OPN3: variants seen among roughly 807,000 people sequenced by gnomAD.
OPN3 encodes opsin-3.
In OPN3, 29 loss-of-function variants were observed where a neutral mutation model predicts 33.8. The ratio of observed to expected loss-of-function variants is 0.86; its 90% CI spans 0.64 to 1.17. The LOEUF (loss-of-function observed/expected upper bound fraction) is 1.17. Ranked by LOEUF, OPN3 falls within the 50% of genes most tolerant of loss-of-function variation. The probability of loss-of-function intolerance (pLI) is 0.00; values close to 1 mark genes in which losing one functional copy is unlikely to be tolerated. For synonymous variants in OPN3, 216 were observed against 216.1 expected, an observed-to-expected ratio of 1.00 and a Z score of 0.00; for missense variants, 437 against 514.1, an observed-to-expected ratio of 0.85 and a Z score of 1.45.
rs61827774 is a variant in OPN3, at chr1:241,593,680, A to C, written c.*748T>G. On this transcript the variant is annotated 3_prime_UTR_variant, in exon 4 of 4. Transcript: ENST00000366554. ...GTGGGAAATACAGGGGAATGAGCAA[A>C]TCTCAAAGAGCTGGCGTCTTAGAAC... is the stretch of plus-strand genomic sequence containing the variant. The C allele has an allele frequency of 4.5e-3, 749 of 167,158 alleles. 6 individuals are homozygous for C. In the Middle Eastern group the frequency reaches 0.046, roughly 10 times the overall value. The allele number at this position is 167,158 out of a possible 1,614,324, so 10.4% of individuals were successfully genotyped here. A position where few individuals can be genotyped will look rare whatever the true frequency, so the allele number is the denominator to read the frequency against.
At chr1:241,621,878 C>G (rs149206333) in intron 1 of OPN3, among the ~76,000 whole-genome samples, 207 of 152,234 alleles carry the variant, frequency 1.4e-3, no homozygotes, top group Admixed American at 2.8e-3. Context: ...GGGATCAGTT[C>G]TGATCAACTT....
rs1321663757 is a variant in OPN3, at chr1:241,640,222, G to C, written c.33C>G (p.Gly11=). The C allele has an allele frequency of 2.3e-5, 31 of 1,330,398 alleles. No individual in the cohort carries two copies. Among genetic ancestry groups the C allele is most frequent in the African/African-American group, 1.6e-5 (1 of 64,490 alleles). 82.4% of individuals were successfully genotyped at this position (1,330,398 alleles called of 1,614,324 possible). The change falls in exon 1 of 4, where the codon GGC becomes GGG. Residue 11 remains glycine (G), a synonymous_variant. Transcript: ENST00000366554. ...CCGCGGCCCCGCCGCCGTCCCAGTA[G>C]CCGTGGCCGCCGCTGCGGTTCCCCG... The part of the protein sequence containing the change: MYSGNRSGGH[G]YWDGGGAAGA...
chr1:241,613,274 C>T (rs1189594426), intron 1 of OPN3, among the ~76,000 whole-genome samples: 2 of 152,140 alleles, frequency 1.3e-5, no homozygotes, highest in Admixed American at 6.6e-5. Context: ...TTCATAACAA[C>T]TCTGTGAGAC....
At chr1:241,630,247 C>T (rs1664577613) in intron 1 of OPN3, 1 of 151,986 alleles carries the variant, frequency 6.6e-6, no homozygotes, top group South Asian at 2.1e-4. Flanking sequence ...TCCCCATCTC[C>T]CCATGTACTA....
chr1:241,627,815 C>T (rs2756224), intron 1 of OPN3, among the ~76,000 whole-genome samples: 105,374 of 152,040 alleles, frequency 0.69, 36,647 homozygotes, highest in East Asian at 0.78. Flanking sequence ...GCCACCTTTA[C>T]GCAACAGGAG....
chr1:241,598,013 AGAAAG>A lies in OPN3; in HGVS notation c.694-21_694-17del, dbSNP rs776632696. 6.2e-7 allele frequency: 1 copy of A among 1,608,770 alleles called. No homozygotes were observed. The highest frequency in any genetic ancestry group is 1.1e-5 in the South Asian group (1 of 90,406). ...CACAACGAAGCTGCAGAAAGGAGAA[AGAAAG>A]GAAAGGGCTTAAAAAACAAAAGAAG... is the stretch of plus-strand genomic sequence containing the variant. On this transcript the variant is annotated splice_polypyrimidine_tract_variant and intron_variant, in intron 2 of 3. Transcript: ENST00000366554.
At chr1:241,602,287 A>G (rs912042941) in intron 2 of OPN3, among the ~76,000 whole-genome samples, 14 of 152,210 alleles carry the variant, frequency 9.2e-5, no homozygotes, top group Non-Finnish European at 1.8e-4. Flanking sequence ...AGTTGGCAAT[A>G]GTCTCAAACG....
At position 241,594,461 on chromosome 1, in the gene OPN3, G is replaced by C. The variant is rs1418875755; in HGVS notation, c.1176C>G (p.Ser392=). The change falls in exon 4 of 4, where the codon TCC becomes TCG. Residue 392 remains serine, a synonymous_variant. Transcript: ENST00000366554. The part of the protein sequence containing the change: ...SVDDSDKTNG[S]KVDVIQVRPL ...GACGAACTTGGATTACATCAACTTT[G>C]GACCCATTGGTTTTGTCGCTGTCGT... 1 of 1,614,040 alleles carries C rather than the reference G, an allele frequency of 6.2e-7. No individual in the cohort carries two copies. The highest frequency in any genetic ancestry group is 1.7e-5 in the Admixed American group (1 of 60,004).
Position 241,640,261 on chromosome 1 carries a change from G to A in OPN3, c.-7C>T. 8.3e-7 allele frequency: 1 copy of A among 1,197,626 alleles called. No homozygotes were observed. The highest frequency in any genetic ancestry group is 1.0e-6 in the Non-Finnish European group (1 of 968,044). The allele number at this position is 1,197,626 out of a possible 1,614,324, so 74.2% of individuals were successfully genotyped here. A position where few individuals can be genotyped will look rare whatever the true frequency, so the allele number is the denominator to read the frequency against. On this transcript the variant is annotated 5_prime_UTR_variant, in exon 1 of 4. Coordinates refer to ENST00000366554, the MANE Select transcript of OPN3 (RefSeq NM_014322.3). ...TGCGGTTCCCCGAGTACATGGCCCG[G>A]CGCCGGCGCGCCTGGCGGGCGGAGG...
chr1:241,630,129 G>C (rs962435562), intron 1 of OPN3: 3 of 152,018 alleles, frequency 2.0e-5, no homozygotes, highest in Admixed American at 2.0e-4. Flanking sequence ...ATTCTGTGAA[G>C]TATTTCTCTT....
chr1:241,601,811 G>T (rs567095728), intron 2 of OPN3, among the ~76,000 whole-genome samples: 2 of 152,184 alleles, frequency 1.3e-5, no homozygotes, highest in African/African-American at 4.8e-5. Context: ...TGTGTTGGGG[G>T]AGACATGGAT....
chr1:241,634,217 G>A, intron 1 of OPN3: 2 of 1,613,936 alleles, frequency 1.2e-6, no homozygotes, highest in African/African-American at 1.3e-5. Flanking sequence ...TTCTCTTGCT[G>A]TTTTAGAAGA....
intron 1 of OPN3, among the ~76,000 whole-genome samples, chr1:241,638,780 T>C (rs1037931466): frequency 2.6e-5 from 4 of 152,136 alleles, no homozygotes; most frequent in African/African-American, 7.2e-5. Context: ...AAATGAATCA[T>C]TACAAATATA....
intron 1 of OPN3, chr1:241,629,692 T>C (rs1446211221): frequency 6.6e-6 from 1 of 152,160 alleles, no homozygotes; most frequent in East Asian, 1.9e-4. Flanking sequence ...ACTTGTAGTA[T>C]TTTTCTTTTT....
chr1:241,640,058 T>C lies in OPN3; in HGVS notation c.197A>G (p.Tyr66Cys), dbSNP rs1465854308. The change falls in exon 1 of 4, where the codon TAC becomes TGC. Residue 66 changes from tyrosine (Y) to cysteine (C), a missense_variant. Coordinates refer to ENST00000366554, the MANE Select transcript of OPN3 (RefSeq NM_014322.3). Reference sequence around the variant, plus strand: ...AGTGCGGAGCCGCTGGAACTTGTAGTAGAGGACGAGCACCAGCAGGTTGTT... The same window carrying C: ...AGTGCGGAGCCGCTGGAACTTGTAGCAGAGGACGAGCACCAGCAGGTTGTT... ...VGNNLLVLVL[Y>C]YKFQRLRTPT... is the part of the protein sequence containing the mutation. 4 of 1,612,302 alleles carry C rather than the reference T, an allele frequency of 2.5e-6. No homozygotes were observed. The African/African-American group carries it at 4.0e-5, about 16-fold the overall frequency.
At chr1:241,613,564 A>G (rs1056553409) in intron 1 of OPN3, among the ~76,000 whole-genome samples, 5 of 152,192 alleles carry the variant, frequency 3.3e-5, no homozygotes, top group Admixed American at 2.6e-4. Context: ...TGATATCAGA[A>G]GAAGTCATTT....
chr1:241,615,774 G>A (rs1558441628), intron 1 of OPN3: 1 of 448,742 alleles, frequency 2.2e-6, no homozygotes, highest in East Asian at 7.0e-5. Context: ...TGCCCTATTT[G>A]CCTTGCTTCC....
chr1:241,628,122 G>T (rs1013696616), intron 1 of OPN3, among the ~76,000 whole-genome samples: 1 of 152,204 alleles, frequency 6.6e-6, no homozygotes, highest in Admixed American at 6.5e-5. Context: ...CAACTGTGTA[G>T]TGAGTTTTGG....
intron 1 of OPN3, chr1:241,633,548 C>T: frequency 4.1e-6 from 2 of 485,692 alleles, no homozygotes; most frequent in Non-Finnish European, 7.2e-6. Context: ...TAAAATAAAG[C>T]TAACTCTGTT....
Sources: allele counts gnomAD v4.1 joint callset (sites outside exome capture counted in the v4.1 genomes callset), GRCh38; gene constraint gnomAD v4.1.1; transcripts MANE v1.5; gene names NCBI Gene and HGNC (gene_info 2026-07-23, HGNC 2026-07-21).